TRIM22: variants seen among roughly 807,000 people sequenced by gnomAD.
The protein encoded by TRIM22 is E3 ubiquitin-protein ligase TRIM22.
TRIM22 carries 45 observed loss-of-function variants against 53.6 expected under a neutral mutation model. The ratio of observed to expected loss-of-function variants is 0.84; its 90% CI spans 0.66 to 1.08. The LOEUF is 1.08. Ranked by LOEUF, TRIM22 falls within the 50% of genes least tolerant of loss-of-function variation. The probability of loss-of-function intolerance (pLI) is 0.00; values close to 1 mark genes in which losing one functional copy is unlikely to be tolerated. For synonymous variants in TRIM22, 225 were observed against 216.6 expected (o/e 1.04, Z -0.34); for missense variants, 616 against 590.9 (o/e 1.04, Z -0.44).
chr11:5,698,528 T>C lies in TRIM22; in HGVS notation c.733T>C (p.Ser245Pro). The C allele has an allele frequency of 6.2e-7, 1 of 1,613,114 alleles. No individual in the cohort carries two copies. The highest frequency in any genetic ancestry group is 8.5e-7 in the Non-Finnish European group (1 of 1,179,346). Residue 245 changes from serine to proline, a missense_variant, in exon 4 of 8, where the codon TCA (serine) becomes CCA (proline). By Grantham distance (74) the Ser-to-Pro change is moderately conservative. Coordinates refer to ENST00000379965, the MANE Select transcript of TRIM22 (RefSeq NM_006074.5). ...SDLQRRLRGSSVEMLQDVIDV... is the reference protein window; with the variant it reads ...SDLQRRLRGSPVEMLQDVIDV... ...TCTCCAGCGGAGGTTGAGGGGATCG[T>C]CAGTAGAGATGCTGCAGGTAAGACT...
intron 2 of TRIM22, 154 bp downstream of exon 2, chr11:5,696,809 C>A: frequency 1.3e-6 from 1 of 757,140 alleles, no homozygotes; most frequent in Non-Finnish European, 2.1e-6. Flanking sequence ...TTTCTGATGC[C>A]TGAAGGACAC....
intron 5 of TRIM22, among the ~76,000 whole-genome samples, chr11:5,707,326 A>T (rs1362369792): frequency 6.6e-6 from 1 of 152,018 alleles, no homozygotes; most frequent in Non-Finnish European, 1.5e-5. Context: ...GATTTTGGAA[A>T]CCCTTTAGCT....
At chr11:5,693,075 C>T (rs1853199481) in intron 1 of TRIM22, among the ~76,000 whole-genome samples, 1 of 151,110 alleles carries the variant, frequency 6.6e-6, no homozygotes, top group African/African-American at 2.4e-5. Flanking sequence ...TTAGTAGATA[C>T]GGGGTCTCAC....
Position 5,696,621 on chromosome 11 carries a change from C to G in TRIM22, c.389C>G (p.Thr130Arg). The change falls in exon 2 of 8, where the codon ACA becomes AGA. Residue 130 changes from threonine to arginine, a missense_variant. Thr to Arg is a moderately conservative substitution (Grantham distance 71). Coordinates refer to ENST00000379965, the MANE Select transcript of TRIM22 (RefSeq NM_006074.5). ...TCTCAGGAACACCAAGGTCACCAAA[C>G]ATTCCGCATAAACGAGGTGGTCAAG... The part of the protein sequence containing the change: ...ELSQEHQGHQ[T>R]FRINEVVKEC... 1 of 1,613,170 alleles carries G rather than the reference C, an allele frequency of 6.2e-7. No homozygotes were observed. Among genetic ancestry groups the G allele is most frequent in the East Asian group, 2.2e-5 (1 of 44,874 alleles).
At chr11:5,697,506 G>A in intron 3 of TRIM22, 163 bp downstream of exon 3, 1 of 547,178 alleles carries the variant, frequency 1.8e-6, no homozygotes, top group Non-Finnish European at 3.2e-6. Flanking sequence ...GAGTTTAGGG[G>A]CTGGAGAGTA....
At chr11:5,709,021 T>A (rs1426016298) in intron 7 of TRIM22, 32 bp from the exon 8 acceptor site, 1 of 1,534,162 alleles carries the variant, frequency 6.5e-7, no homozygotes. Context: ...CTATCCCATA[T>A]CCTTCACTTG....
chr11:5,696,252 T>G lies in TRIM22; in HGVS notation c.20T>G (p.Val7Gly), dbSNP rs200816458. 6.2e-7 allele frequency: 1 copy of G among 1,611,372 alleles called. No homozygotes were observed. The highest frequency in any genetic ancestry group is 1.1e-5 in the South Asian group (1 of 90,676). MDFSVKVDIEKEVTCPI... is the reference protein window; with the variant it reads MDFSVKGDIEKEVTCPI... Reference sequence around the variant, plus strand: ...AGTGCAATGGATTTCTCAGTAAAGGTAGACATAGAGAAGGAGGTGACCTGC... The same window carrying G: ...AGTGCAATGGATTTCTCAGTAAAGGGAGACATAGAGAAGGAGGTGACCTGC... Residue 7 changes from valine (V) to glycine (G), a missense_variant, in exon 2 of 8, where the codon GTA (valine) becomes GGA (glycine). By Grantham distance (109) the Val-to-Gly change is moderately radical. Coordinates refer to ENST00000379965, the MANE Select transcript of TRIM22 (RefSeq NM_006074.5).
Position 5,709,340 on chromosome 11 carries a change from G to T in TRIM22, c.1189G>T (p.Val397Phe), listed in dbSNP as rs1853518631. The change falls in exon 8 of 8, where the codon GTT (valine) becomes TTT (phenylalanine). Residue 397 changes from valine (V) to phenylalanine (F), a missense_variant. Physicochemically the swap from Val to Phe is conservative, Grantham distance 50. Coordinates refer to ENST00000379965, the MANE Select transcript of TRIM22 (RefSeq NM_006074.5). ...TGATCCAAGTGTAAATTATTCAAAA[G>T]TTTACTCCAGATATAGACCTCAATA... ...AFDPSVNYSK[V>F]YSRYRPQYGY... The T allele has an allele frequency of 1.9e-6, 3 of 1,614,026 alleles. No homozygotes were observed. Among genetic ancestry groups the T allele is most frequent in the Non-Finnish European group, 2.5e-6 (3 of 1,180,024 alleles).
At chr11:5,691,764 A>G (rs1400909620) in intron 1 of TRIM22, among the ~76,000 whole-genome samples, 1 of 152,118 alleles carries the variant, frequency 6.6e-6, no homozygotes. Context: ...TCTCGATCTT[A>G]TCGCTGAGCA....
Position 5,706,627 on chromosome 11 carries a change from A to G in TRIM22, c.773+11A>G. 1 of 1,605,620 alleles carries G rather than the reference A, an allele frequency of 6.2e-7. No individual in the cohort carries two copies. The highest frequency in any genetic ancestry group is 1.1e-5 in the South Asian group (1 of 90,004). ...TGACGTCATGAAAAGGTATATGTGG[A>G]AGAGAGATGTGGTCTTATTTGTCTG... On this transcript the variant is annotated intron_variant, in intron 5 of 7. Coordinates refer to ENST00000379965, the MANE Select transcript of TRIM22 (RefSeq NM_006074.5).
At chr11:5,708,716 C>CTTT (rs35592896) in intron 7 of TRIM22, 113 bp downstream of exon 7, 14 of 607,060 alleles carry the variant, frequency 2.3e-5, no homozygotes, top group South Asian at 3.7e-5. Flanking sequence ...CCATGTAGTT[C>CTTT]TTTTTTTTTT....
chr11:5,692,658 T>C (rs906275180), intron 1 of TRIM22, among the ~76,000 whole-genome samples: 1 of 152,164 alleles, frequency 6.6e-6, no homozygotes, highest in Non-Finnish European at 1.5e-5. Flanking sequence ...TTAAAAGATG[T>C]TGGCTAGGCC....
chr11:5,708,602 GGGT>G lies in TRIM22; in HGVS notation c.901_901+2del. 6.2e-7 allele frequency: 1 copy of G among 1,606,872 alleles called. No homozygotes were observed. Among genetic ancestry groups the G allele is most frequent in the Non-Finnish European group, 8.5e-7 (1 of 1,177,840 alleles). ...AGCTGACAGATGTCCAGTACTACTG[GGGT>G]AAGATGATATGGGGTTTTCAAATCA... On this transcript the variant is annotated splice_donor_variant and coding_sequence_variant, in exon 7 of 8. Coordinates refer to ENST00000379965, the MANE Select transcript of TRIM22 (RefSeq NM_006074.5). LOFTEE classifies it high-confidence loss of function.
chr11:5,696,180 T>C lies in TRIM22; in HGVS notation c.-53T>C. The stretch of plus-strand genomic sequence containing the variant: ...CAACATTCTCAGCACTGCAGGAGTT[T>C]GTGACCAAGAACTTCAAGAGTCAAG... On this transcript the variant is annotated 5_prime_UTR_variant, in exon 2 of 8. Coordinates refer to ENST00000379965, the MANE Select transcript of TRIM22 (RefSeq NM_006074.5). 4 of 1,536,476 alleles carry C rather than the reference T, an allele frequency of 2.6e-6. No homozygotes were observed. The highest frequency in any genetic ancestry group is 3.5e-6 in the Non-Finnish European group (4 of 1,139,624).
rs1420778391 is a variant in TRIM22, at chr11:5,710,174, C to A, written c.*526C>A. ...CCAACATATAAATTTGAGGAAGGCA[C>A]GATTTCACTCATAACAATCTTACCC... On this transcript the variant is annotated 3_prime_UTR_variant, in exon 8 of 8. Coordinates refer to ENST00000379965, the MANE Select transcript of TRIM22 (RefSeq NM_006074.5). 6.6e-6 allele frequency: 1 copy of A among 152,654 alleles called. No individual in the cohort carries two copies. Among genetic ancestry groups the A allele is most frequent in the Non-Finnish European group, 1.5e-5 (1 of 68,398 alleles). 9.5% of individuals were successfully genotyped at this position (152,654 alleles called of 1,614,324 possible).
In TRIM22 at chr11:5,693,011, G is replaced by C. The variant is rs539716646; in HGVS notation, c.-67+3112G>C. ...CTGCCTCAGCCTCCAGAGTAGCGGG[G>C]ACTACAAGCAACTGCTGTCACACCT... On this transcript the variant is annotated intron_variant, in intron 1 of 7. Transcript: ENST00000379965. Among the ~76,000 whole-genome samples the C allele has an allele frequency of 2.9e-4, 44 of 151,574 alleles. 1 individual carries two copies. In the East Asian group the frequency reaches 7.4e-3, roughly 26 times the overall value.
At position 5,709,359 on chromosome 11, in the gene TRIM22, C is replaced by T. The variant is rs1173249948; in HGVS notation, c.1208C>T (p.Pro403Leu). ...NYSKVYSRYR[P>L]QYGYWVIGLQ... is the part of the protein sequence containing the mutation. ...TCAAAAGTTTACTCCAGATATAGAC[C>T]TCAATATGGCTACTGGGTTATAGGA... Residue 403 changes from proline (P) to leucine (L), a missense_variant, in exon 8 of 8, where the codon CCT (proline) becomes CTT (leucine). By Grantham distance (98) the Pro-to-Leu change is moderately conservative. Transcript: ENST00000379965. The T allele has an allele frequency of 9.3e-6, 15 of 1,613,964 alleles. No individual in the cohort carries two copies. The highest frequency in any genetic ancestry group is 1.3e-5 in the Non-Finnish European group (15 of 1,180,040).
At position 5,709,108 on chromosome 11, in the gene TRIM22, T is replaced by C; in HGVS notation, c.957T>C (p.Asp319=). The part of the protein sequence containing the change: ...SATSNVAISV[D]QRQVKTVRTC... ...CTTCGAATGTTGCTATTTCTGTGGATCAGAGACAAGTGAAAACTGTACGCA... is the reference window on the plus strand; with the variant it reads ...CTTCGAATGTTGCTATTTCTGTGGACCAGAGACAAGTGAAAACTGTACGCA... The change falls in exon 8 of 8, where the codon GAT becomes GAC. Residue 319 remains aspartate (D), a synonymous_variant. Coordinates refer to ENST00000379965, the MANE Select transcript of TRIM22 (RefSeq NM_006074.5). The C allele has an allele frequency of 6.2e-7, 1 of 1,614,192 alleles. No homozygotes were observed. Among genetic ancestry groups the C allele is most frequent in the Non-Finnish European group, 8.5e-7 (1 of 1,180,004 alleles).
In TRIM22 at chr11:5,696,228, G is replaced by C. The variant is rs759952295; in HGVS notation, c.-5G>C. 18 of 1,601,130 alleles carry C rather than the reference G, an allele frequency of 1.1e-5. No individual in the cohort carries two copies. The highest frequency in any genetic ancestry group is 1.4e-5 in the Non-Finnish European group (16 of 1,173,480). ...AAGACAGAAGGAAGCCAAGGGAGCA[G>C]TGCAATGGATTTCTCAGTAAAGGTA... On this transcript the variant is annotated 5_prime_UTR_variant, in exon 2 of 8. Transcript: ENST00000379965.
Sources: allele counts gnomAD v4.1 joint callset (sites outside exome capture counted in the v4.1 genomes callset), GRCh38; gene constraint gnomAD v4.1.1; transcripts MANE v1.5; gene names NCBI Gene and HGNC (gene_info 2026-07-23, HGNC 2026-07-21).